CALCOCO1: variants seen among roughly 807,000 people sequenced by gnomAD.
CALCOCO1 encodes the protein calcium-binding and coiled-coil domain-containing protein 1.
CALCOCO1 carries 44 observed loss-of-function variants against 86.3 expected under a neutral mutation model. The ratio of observed to expected loss-of-function variants is 0.51; its 90% CI spans 0.40 to 0.66. The LOEUF (loss-of-function observed/expected upper bound fraction) is 0.66, where lower values mean the gene tolerates loss of function less well. Among genes scored for constraint, CALCOCO1 ranks in the 30% least tolerant of loss-of-function variants. The pLI, the probability that CALCOCO1 is intolerant of heterozygous loss-of-function variation, is 0.00. For missense variants in CALCOCO1, 708 were observed against 851.1 expected, an observed-to-expected ratio of 0.83 and a Z score of 2.09; for synonymous variants, 297 against 327.6, an observed-to-expected ratio of 0.91 and a Z score of 1.01.
Position 53,723,612 on chromosome 12 carries a change from G to A in CALCOCO1, c.431C>T (p.Pro144Leu). The A allele has an allele frequency of 6.2e-7, 1 of 1,614,148 alleles. No individual in the cohort carries two copies. Among genetic ancestry groups the A allele is most frequent in the Non-Finnish European group, 8.5e-7 (1 of 1,180,020 alleles). ...DGGSDILLVV[P>L]KATVLQNQLD... ...TCTCACCTGTAACACAGTTGCCTTG[G>A]GGACAACCAGCAGGATGTCAGAGCC... The change falls in exon 4 of 15, where the codon CCC becomes CTC. Residue 144 changes from proline (P) to leucine (L), a missense_variant. Transcript: ENST00000550804.
chr12:53,724,221 A>C (rs1340632981), intron 3 of CALCOCO1: 1 of 430,346 alleles, frequency 2.3e-6, no homozygotes, highest in East Asian at 8.0e-5. Flanking sequence ...AAATCCTCGT[A>C]ATGTCCCTAT....
Position 53,713,230 on chromosome 12 carries a change from G to T in CALCOCO1, c.1792-24C>A, listed in dbSNP as rs549114763. 8.1e-6 allele frequency: 13 copies of T among 1,597,562 alleles called. No homozygotes were observed. The South Asian group carries it at 1.4e-4, about 18-fold the overall frequency. On this transcript the variant is annotated intron_variant, in intron 13 of 14. Transcript: ENST00000550804. Reference sequence around the variant, plus strand: ...TCCTGGATGCCAAAGAGACAGGGTTGGGCTTTGGGGTGGTGTCCCAAGATG... The same window carrying T: ...TCCTGGATGCCAAAGAGACAGGGTTTGGCTTTGGGGTGGTGTCCCAAGATG...
At chr12:53,716,145 G>T in intron 8 of CALCOCO1, 98 bp from the exon 9 acceptor site, 1 of 1,580,496 alleles carries the variant, frequency 6.3e-7, no homozygotes. Context: ...TTAGGACTCG[G>T]GGTTGTGTTG....
intron 13 of CALCOCO1, 27 bp from the exon 14 acceptor site, chr12:53,713,233 C>T (rs1185913472): frequency 1.9e-6 from 3 of 1,598,400 alleles, no homozygotes; most frequent in African/African-American, 2.7e-5. Flanking sequence ...CAGGGTTGGG[C>T]TTTGGGGTGG....
chr12:53,717,599 C>A (rs1346175527), intron 7 of CALCOCO1, among the ~76,000 whole-genome samples: 1 of 152,216 alleles, frequency 6.6e-6, no homozygotes, highest in Admixed American at 6.5e-5. Flanking sequence ...TACCTATTCT[C>A]ACTGCTGAGC....
intron 7 of CALCOCO1, 41 bp downstream of exon 7, chr12:53,719,698 G>T: frequency 3.5e-6 from 5 of 1,417,194 alleles, no homozygotes; most frequent in Non-Finnish European, 5.0e-6. Flanking sequence ...TCAAACACTG[G>T]CTGGACAATG....
rs370482352 is a variant in CALCOCO1 at position 53,714,121 on chromosome 12, G to A, written c.1591+12C>T. ...TGGGGAAGAGGTGTTACAAGATTGGGGCTACACGGACTCAGCCCCACAGCG... is the reference window on the plus strand; with the variant it reads ...TGGGGAAGAGGTGTTACAAGATTGGAGCTACACGGACTCAGCCCCACAGCG... On this transcript the variant is annotated intron_variant, in intron 12 of 14. Transcript: ENST00000550804. 31 of 1,594,982 alleles carry A rather than the reference G, an allele frequency of 1.9e-5. No individual in the cohort carries two copies. In the East Asian group the frequency reaches 6.7e-4, roughly 34 times the overall value.
rs750883880 is a variant in CALCOCO1 at position 53,714,188 on chromosome 12, A to G, written c.1536T>C (p.Asp512=). The stretch of plus-strand genomic sequence containing the variant: ...TGGTGGCATCCTCATTCCACTTCTC[A>G]TCTGCCACCTTCTCCAGGCGGGCCT... ...KLEARLEKVA[D]EKWNEDATTE... Residue 512 remains aspartate (D), a synonymous_variant, in exon 12 of 15, where the codon GAT becomes GAC. Transcript: ENST00000550804. 1 of 1,612,842 alleles carries G rather than the reference A, an allele frequency of 6.2e-7. No homozygotes were observed. Among genetic ancestry groups the G allele is most frequent in the Admixed American group, 1.7e-5 (1 of 60,006 alleles).
At chr12:53,716,633 C>A (rs1204750029) in intron 7 of CALCOCO1, among the ~76,000 whole-genome samples, 1 of 152,212 alleles carries the variant, frequency 6.6e-6, no homozygotes, top group Non-Finnish European at 1.5e-5. Flanking sequence ...AGCATCGCAG[C>A]CTTGGGTCTT....
rs878862250 is a variant in CALCOCO1, at chr12:53,715,167, T to C, written c.1386+33A>G. On this transcript the variant is annotated intron_variant, in intron 10 of 14. Coordinates refer to ENST00000550804, the MANE Select transcript of CALCOCO1 (RefSeq NM_020898.3). ...GGGGTATGGATGCCTCAGGAGGCCATAGGACAGGACCCTTGGTGGCTGGAT... is the reference window on the plus strand; with the variant it reads ...GGGGTATGGATGCCTCAGGAGGCCACAGGACAGGACCCTTGGTGGCTGGAT... 29 of 1,611,094 alleles carry C rather than the reference T, an allele frequency of 1.8e-5. No individual in the cohort carries two copies. In the South Asian group the frequency reaches 2.2e-4, roughly 12 times the overall value.
intron 4 of CALCOCO1, among the ~76,000 whole-genome samples, chr12:53,723,117 T>TAC (rs1565649624): frequency 6.6e-6 from 1 of 152,218 alleles, no homozygotes; most frequent in Admixed American, 6.5e-5. Flanking sequence ...ACCCTTATAG[T>TAC]ACATCTCAGT....
At chr12:53,714,731 A>C in intron 10 of CALCOCO1, 38 bp from the exon 11 acceptor site, 2 of 1,483,092 alleles carry the variant, frequency 1.3e-6, no homozygotes, top group Non-Finnish European at 9.4e-7. Flanking sequence ...GGAGCCTAGA[A>C]TGTACCTCCA....
intron 6 of CALCOCO1, among the ~76,000 whole-genome samples, chr12:53,720,834 T>TG (rs1448850824): frequency 6.6e-6 from 1 of 152,352 alleles, no homozygotes; most frequent in East Asian, 1.9e-4. Context: ...AACAATTTTC[T>TG]GGAAGAAGAA....
At chr12:53,724,773 G>A (rs1266427867) in intron 2 of CALCOCO1, 26 bp from the exon 3 acceptor site, 2 of 1,579,208 alleles carry the variant, frequency 1.3e-6, no homozygotes, top group East Asian at 4.5e-5. Flanking sequence ...GTTGGAGAAA[G>A]GTATGGTCAT....
chr12:53,720,190 CTCTT>C (rs1451870209), intron 6 of CALCOCO1, among the ~76,000 whole-genome samples: 1 of 152,148 alleles, frequency 6.6e-6, no homozygotes, highest in Non-Finnish European at 1.5e-5. Context: ...AGTTGGCAGA[CTCTT>C]TCTGTAAAGG....
intron 1 of CALCOCO1, among the ~76,000 whole-genome samples, chr12:53,727,083 G>A (rs1340232320): frequency 6.6e-6 from 1 of 152,140 alleles, no homozygotes; most frequent in African/African-American, 2.4e-5. Flanking sequence ...GTAGGGGAGA[G>A]AGGGAAGACG....
In CALCOCO1 at chr12:53,713,868, C is replaced by T. The variant is rs763034547; in HGVS notation, c.1624G>A (p.Glu542Lys). ...GGGAGCCTCATGTCTTCTGGGGACTCGTCCTCTGAGTCTGTCAGAGCTGCC... is the reference window on the plus strand; with the variant it reads ...GGGAGCCTCATGTCTTCTGGGGACTTGTCCTCTGAGTCTGTCAGAGCTGCC... ...CPAALTDSED[E>K]SPEDMRLPPY... Residue 542 changes from glutamate to lysine, a missense_variant, in exon 13 of 15, where the codon GAG becomes AAG. Glu to Lys is a moderately conservative substitution (Grantham distance 56). Transcript: ENST00000550804. 8 of 1,527,112 alleles carry T rather than the reference C, an allele frequency of 5.2e-6. No individual in the cohort carries two copies. The highest frequency in any genetic ancestry group is 4.3e-5 in the Admixed American group (2 of 46,232). The allele number at this position is 1,527,112 out of a possible 1,614,324, so 94.6% of individuals were successfully genotyped here. A position where few individuals can be genotyped will look rare whatever the true frequency, so the allele number is the denominator to read the frequency against.
At chr12:53,712,361 C>A in intron 14 of CALCOCO1, 1 of 454,288 alleles carries the variant, frequency 2.2e-6, no homozygotes, top group Non-Finnish European at 3.9e-6. Context: ...GCCCATCCCC[C>A]AGCCTCCTGC....
rs1052271503 is a variant in CALCOCO1 at position 53,709,572 on chromosome 12, C to A, written c.*2372G>T. On this transcript the variant is annotated 3_prime_UTR_variant, in exon 15 of 15. Transcript: ENST00000550804. The stretch of plus-strand genomic sequence containing the variant: ...AGGGGAGTATGAAGCAGATTCGGGA[C>A]AGTGAAGCAGAACAGGGCTGGAGAG... 6.6e-6 allele frequency: 1 copy of A among 152,246 alleles called. No individual in the cohort carries two copies. The highest frequency in any genetic ancestry group is 1.5e-5 in the Non-Finnish European group (1 of 68,178). 9.4% of individuals were successfully genotyped at this position (152,246 alleles called of 1,614,324 possible). A position where few individuals can be genotyped will look rare whatever the true frequency, so the allele number is the denominator to read the frequency against.
Sources: allele counts gnomAD v4.1 joint callset (sites outside exome capture counted in the v4.1 genomes callset), GRCh38; gene constraint gnomAD v4.1.1; transcripts MANE v1.5; gene names NCBI Gene and HGNC (gene_info 2026-07-23, HGNC 2026-07-21).